The following DENND6B variants were observed in gnomAD, a reference collection of about 807,000 sequenced individuals.
DENND6B encodes the protein DENN domain containing 6B.
Under a neutral mutation model 85.1 loss-of-function variants are expected in DENND6B, and 73 were observed. That is an observed-to-expected ratio of 0.86 (90% CI 0.71 to 1.04). DENND6B has a LOEUF of 1.04. Ranked by LOEUF, DENND6B falls within the 50% of genes least tolerant of loss-of-function variation. The pLI, the probability that DENND6B is intolerant of heterozygous loss-of-function variation, is 0.00. For synonymous variants in DENND6B, 357 were observed against 329.3 expected (o/e 1.08, Z -0.91); for missense variants, 715 against 785.8 (o/e 0.91, Z 1.08).
chr22:50,317,068 G>T, intron 5 of DENND6B: 1 of 273,444 alleles, frequency 3.7e-6, no homozygotes, highest in Non-Finnish European at 6.6e-6. Context: ...GGACAGGGTG[G>T]GGGGGGGCGG....
intron 3 of DENND6B, 115 bp from the exon 4 acceptor site, chr22:50,318,135 A>AC: frequency 1.0e-6 from 1 of 962,766 alleles, no homozygotes; most frequent in Non-Finnish European, 1.5e-6. Flanking sequence ...TGGTAAATAT[A>AC]CCCCAGAAAC....
In DENND6B at chr22:50,311,811, A is replaced by C; in HGVS notation, c.*328T>G. The stretch of plus-strand genomic sequence containing the variant: ...GGGGGTCGGGGGCCAACAGATGGGC[A>C]CCGGGAGGGGCAGACGGTAGACGCA... On this transcript the variant is annotated 3_prime_UTR_variant, in exon 20 of 20. Transcript: ENST00000413817. The C allele has an allele frequency of 2.7e-6, 1 of 376,610 alleles. No individual in the cohort carries two copies. Among genetic ancestry groups the C allele is most frequent in the African/African-American group, 2.1e-5 (1 of 48,430 alleles). The allele number at this position is 376,610 out of a possible 1,614,324, so 23.3% of individuals were successfully genotyped here.
chr22:50,312,897 G>A (rs1180128747), intron 17 of DENND6B, 102 bp downstream of exon 17: 3 of 824,366 alleles, frequency 3.6e-6, no homozygotes, highest in Admixed American at 2.5e-5. Context: ...TGACAGGCGG[G>A]GGGCCATGGG....
chr22:50,318,703 G>T, intron 3 of DENND6B, 144 bp downstream of exon 3: 3 of 1,203,566 alleles, frequency 2.5e-6, no homozygotes, highest in Non-Finnish European at 3.5e-6. Flanking sequence ...GTGCCTCCAC[G>T]GAGTGGGCAT....
At chr22:50,315,649 C>G in intron 9 of DENND6B, 65 bp downstream of exon 9, 1 of 1,507,374 alleles carries the variant, frequency 6.6e-7, no homozygotes, top group Non-Finnish European at 9.0e-7. Flanking sequence ...CACACATGCA[C>G]GTACATGCAC....
intron 9 of DENND6B, 28 bp from the exon 10 acceptor site, chr22:50,314,949 G>T (rs760141216): frequency 6.2e-7 from 1 of 1,605,084 alleles, no homozygotes; most frequent in Non-Finnish European, 8.5e-7. Context: ...GGTCGGGGAG[G>T]TCAGGCAGGG....
At chr22:50,320,556 AAG>A (rs1478668330) in intron 1 of DENND6B, among the ~76,000 whole-genome samples, 1 of 152,170 alleles carries the variant, frequency 6.6e-6, no homozygotes. Flanking sequence ...GGAATGTGTG[AAG>A]AGGTCTCTGA....
chr22:50,315,203 G>C (rs2147772128), intron 9 of DENND6B: 1 of 457,102 alleles, frequency 2.2e-6, no homozygotes, highest in East Asian at 4.4e-5. Flanking sequence ...AGCCGGGGCA[G>C]GGTCTGCTGA....
At chr22:50,314,106 A>G (rs1205727426) in intron 13 of DENND6B, 101 bp downstream of exon 13, 13 of 1,409,662 alleles carry the variant, frequency 9.2e-6, no homozygotes, top group East Asian at 2.5e-5. Flanking sequence ...CTGGAAGAGG[A>G]TCAGGGGTCT....
intron 3 of DENND6B, 121 bp downstream of exon 3, chr22:50,318,726 G>A: frequency 7.0e-7 from 1 of 1,421,146 alleles, no homozygotes; most frequent in Non-Finnish European, 9.7e-7. Flanking sequence ...GGCTGGTGCT[G>A]CTCACCCCTG....
chr22:50,322,527 T>G (rs2042077394), intron 1 of DENND6B, among the ~76,000 whole-genome samples: 1 of 152,076 alleles, frequency 6.6e-6, no homozygotes, highest in African/African-American at 2.4e-5. Context: ...GAGGTAAATT[T>G]TCCATTAGAA....
chr22:50,317,132 G>T, intron 5 of DENND6B, 161 bp downstream of exon 5: 3 of 643,296 alleles, frequency 4.7e-6, no homozygotes, highest in Non-Finnish European at 5.3e-6. Context: ...CGAGGACAGG[G>T]TGGGGGGGCG....
chr22:50,313,011 A>G lies in DENND6B; in HGVS notation c.1445T>C (p.Leu482Pro), dbSNP rs1468798541. The change falls in exon 17 of 20, where the codon CTG becomes CCG. Residue 482 changes from leucine (L) to proline (P), a missense_variant. Coordinates refer to ENST00000413817, the MANE Select transcript of DENND6B (RefSeq NM_001001794.4). ...GCAGTCCACGCACCTGTAGAGACCCAGCCAGTCGCCCTTGAGGATGCAGGT... is the reference window on the plus strand; with the variant it reads ...GCAGTCCACGCACCTGTAGAGACCCGGCCAGTCGCCCTTGAGGATGCAGGT... Reference protein sequence around the residue: ...QLTCILKGDWLGLYRRFFKSP... With the variant: ...QLTCILKGDWPGLYRRFFKSP... 2 of 1,558,492 alleles carry G rather than the reference A, an allele frequency of 1.3e-6. No individual in the cohort carries two copies. The highest frequency in any genetic ancestry group is 1.7e-6 in the Non-Finnish European group (2 of 1,151,812).
chr22:50,319,112 T>C (rs62241233), intron 1 of DENND6B, 109 bp from the exon 2 acceptor site: 541,714 of 1,542,036 alleles, frequency 0.35, 97,740 homozygotes, highest in South Asian at 0.54. Flanking sequence ...CATCTGTCTG[T>C]GGGGCGCAGG....
Position 50,326,945 on chromosome 22 carries a change from C to A in DENND6B, c.44G>T (p.Cys15Phe). The A allele has an allele frequency of 2.3e-6, 3 of 1,286,086 alleles. No homozygotes were observed. Among genetic ancestry groups the A allele is most frequent in the Non-Finnish European group, 2.0e-6 (2 of 1,022,234 alleles). The allele number at this position is 1,286,086 out of a possible 1,614,324, so 79.7% of individuals were successfully genotyped here. A position where few individuals can be genotyped will look rare whatever the true frequency, so the allele number is the denominator to read the frequency against. Residue 15 changes from cysteine to phenylalanine, a missense_variant, in exon 1 of 20, where the codon TGC (cysteine) becomes TTC (phenylalanine). Cys to Phe is a radical substitution (Grantham distance 205, BLOSUM62 -2). Transcript: ENST00000413817. ...AGACGTGGGTCCAGCCGCGCCCAGG[C>A]AGCCGCGAGCCCGGCGAGGCCCTGT... The part of the protein sequence containing the change: ...LGTGPRRARG[C>F]LGAAGPTSSG...
chr22:50,315,586 G>T, intron 9 of DENND6B, 128 bp downstream of exon 9: 1 of 1,143,164 alleles, frequency 8.7e-7, no homozygotes, highest in Non-Finnish European at 1.2e-6. Flanking sequence ...ACACACACGT[G>T]CACACGTGCA....
intron 1 of DENND6B, among the ~76,000 whole-genome samples, chr22:50,321,421 C>T (rs925740755): frequency 6.6e-6 from 1 of 151,374 alleles, no homozygotes; most frequent in Non-Finnish European, 1.5e-5. Context: ...AGTGCACTGA[C>T]GTGATCTCAG....
chr22:50,314,982 C>T lies in DENND6B; in HGVS notation c.759-61G>A, dbSNP rs1601812139. 5.0e-6 allele frequency: 8 copies of T among 1,588,618 alleles called. No individual in the cohort carries two copies. The East Asian group carries it at 1.8e-4, about 36-fold the overall frequency. On this transcript the variant is annotated intron_variant, in intron 9 of 19. Coordinates refer to ENST00000413817, the MANE Select transcript of DENND6B (RefSeq NM_001001794.4). ...GGGGCTGAGACTCCTGGCTCTGGCCCCGCTCTCCCACCGTTCACCCAGGCT... is the reference window on the plus strand; with the variant it reads ...GGGGCTGAGACTCCTGGCTCTGGCCTCGCTCTCCCACCGTTCACCCAGGCT...
chr22:50,318,071 C>T, intron 3 of DENND6B, 51 bp from the exon 4 acceptor site: 2 of 1,586,842 alleles, frequency 1.3e-6, no homozygotes, highest in Non-Finnish European at 1.7e-6. Flanking sequence ...GCCTCTTCTG[C>T]AGGCCCTGGA....
Sources: allele counts gnomAD v4.1 joint callset (sites outside exome capture counted in the v4.1 genomes callset), GRCh38; gene constraint gnomAD v4.1.1; transcripts MANE v1.5; gene names NCBI Gene and HGNC (gene_info 2026-07-23, HGNC 2026-07-21).